The following STARD9 variants were observed in gnomAD, a reference collection of about 807,000 sequenced individuals.
STARD9 encodes the protein stAR-related lipid transfer protein 9.
Under a neutral mutation model 399.8 loss-of-function variants are expected in STARD9, and 346 were observed. That is an observed-to-expected ratio of 0.87 (90% CI 0.79 to 0.95). STARD9 has a LOEUF of 0.95. Among genes scored for constraint, STARD9 ranks in the 40% least tolerant of loss-of-function variants. The pLI is 0.00. For missense variants in STARD9, 5,832 were observed against 5,667.5 expected (o/e 1.03, Z -0.93); for synonymous variants, 2,203 against 2,143.5 (o/e 1.03, Z -0.77).
At chr15:42,580,701 A>G (rs1158228339) in intron 1 of STARD9, among the ~76,000 whole-genome samples, 2 of 152,090 alleles carry the variant, frequency 1.3e-5, no homozygotes, top group African/African-American at 2.4e-5. Context: ...AGTCCCAGCT[A>G]CTCAGGAGGC....
At chr15:42,711,181 C>T (rs902815122) in intron 26 of STARD9, among the ~76,000 whole-genome samples, 3 of 151,516 alleles carry the variant, frequency 2.0e-5, no homozygotes, top group Non-Finnish European at 4.4e-5. Context: ...GCTCTGTTAC[C>T]CAGGCTGGAG....
chr15:42,693,371 C>T lies in STARD9; in HGVS notation c.11793C>T (p.His3931=), dbSNP rs746186973. 221 of 1,537,054 alleles carry T rather than the reference C, an allele frequency of 1.4e-4. 1 individual carries two copies. The highest frequency in any genetic ancestry group is 1.7e-4 in the Middle Eastern group (1 of 6,012). Reference sequence around the variant, plus strand: ...CTTCAACTCACCCTGTTGAAGGCCACCAGAAGCTTGACTCCAGCCCAGACC... The same window carrying T: ...CTTCAACTCACCCTGTTGAAGGCCATCAGAAGCTTGACTCCAGCCCAGACC... ...SAPSTHPVEG[H]QKLDSSPDPV... The change falls in exon 23 of 33, where the codon CAC becomes CAT. Residue 3931 remains histidine (H), a synonymous_variant. Coordinates refer to ENST00000290607, the MANE Select transcript of STARD9 (RefSeq NM_020759.3).
chr15:42,675,297 T>C (rs1434804101), intron 18 of STARD9, among the ~76,000 whole-genome samples: 1 of 152,220 alleles, frequency 6.6e-6, no homozygotes, highest in Non-Finnish European at 1.5e-5. Context: ...TTCTTAACAG[T>C]GTGCTTTGCA....
chr15:42,592,606 G>A (rs931689026), intron 3 of STARD9, among the ~76,000 whole-genome samples: 4 of 151,704 alleles, frequency 2.6e-5, no homozygotes, highest in African/African-American at 2.4e-5. Flanking sequence ...CACCACACCC[G>A]GCTAATTTTT....
chr15:42,680,533 G>A (rs1322360929), intron 20 of STARD9, among the ~76,000 whole-genome samples: 3 of 152,136 alleles, frequency 2.0e-5, no homozygotes, highest in Admixed American at 1.3e-4. Flanking sequence ...CCAGGAGGTG[G>A]AGGTTGCAGT....
intron 13 of STARD9, among the ~76,000 whole-genome samples, chr15:42,664,490 A>T (rs2060050990): frequency 6.6e-6 from 1 of 152,070 alleles, no homozygotes; most frequent in African/African-American, 2.4e-5. Context: ...CAGCCTTCTG[A>T]GTAGCTGGAA....
intron 1 of STARD9, among the ~76,000 whole-genome samples, chr15:42,578,604 C>G (rs1459497411): frequency 1.3e-5 from 2 of 151,358 alleles, no homozygotes; most frequent in Non-Finnish European, 2.9e-5. Context: ...AAAACTTACT[C>G]TTTACCCACT....
At position 42,597,718 on chromosome 15, in the gene STARD9, G is replaced by A. The variant is rs992824994; in HGVS notation, c.234+12081G>A. ...GCCCAGCTAATTTTTGTATTTTTTA[G>A]TAGAGACAGAGTTTCACCATGTTGG... On this transcript the variant is annotated intron_variant, in intron 3 of 32. Transcript: ENST00000290607. Among the ~76,000 whole-genome samples the A allele has an allele frequency of 4.6e-5, 7 of 152,060 alleles. No homozygotes were observed. The South Asian group carries it at 8.3e-4, about 18-fold the overall frequency.
intron 16 of STARD9, 45 bp downstream of exon 16, chr15:42,669,382 A>G (rs1286714362): frequency 2.0e-6 from 3 of 1,465,120 alleles, no homozygotes; most frequent in Middle Eastern, 3.7e-4. Flanking sequence ...CACTGGTTCC[A>G]GAGGTCAAGG....
chr15:42,636,010 A>T lies in STARD9; in HGVS notation c.351+1038A>T, dbSNP rs623271. 2.6e-5 allele frequency among the ~76,000 whole-genome samples: 4 copies of T among 152,110 alleles called. No homozygotes were observed. The South Asian group carries it at 8.3e-4, about 32-fold the overall frequency. ...TTTTGGGTTTAGAAATATCCTGGTC[A>T]GGGTGCCAGGTGTAGTAGCTCACAC... On this transcript the variant is annotated intron_variant, in intron 4 of 32. Coordinates refer to ENST00000290607, the MANE Select transcript of STARD9 (RefSeq NM_020759.3).
intron 13 of STARD9, among the ~76,000 whole-genome samples, chr15:42,664,630 G>A (rs1456664232): frequency 1.3e-5 from 2 of 152,172 alleles, no homozygotes; most frequent in African/African-American, 4.8e-5. Flanking sequence ...GCCTCCCAAA[G>A]TGCTGGGGTT....
At chr15:42,638,838 T>C in intron 7 of STARD9, 26 bp downstream of exon 7, 1 of 1,388,038 alleles carries the variant, frequency 7.2e-7, no homozygotes, top group South Asian at 1.3e-5. Context: ...CCTGGAGATC[T>C]GAAACCAAAC....
chr15:42,597,484 C>T (rs889778576), intron 3 of STARD9, among the ~76,000 whole-genome samples: 2 of 152,140 alleles, frequency 1.3e-5, no homozygotes, highest in African/African-American at 4.8e-5. Flanking sequence ...TCTCGTGCCC[C>T]AGCCTCCCAG....
At chr15:42,713,409 G>A (rs1283688350) in intron 26 of STARD9, among the ~76,000 whole-genome samples, 2 of 152,078 alleles carry the variant, frequency 1.3e-5, no homozygotes, top group African/African-American at 4.8e-5. Context: ...CAGTTGTGCT[G>A]GCTAGAATCT....
chr15:42,643,509 A>T (rs545585433), intron 7 of STARD9, among the ~76,000 whole-genome samples: 40 of 144,190 alleles, frequency 2.8e-4, no homozygotes, highest in African/African-American at 7.3e-4. Flanking sequence ...CGTTCTTTTT[A>T]AAAAAAAACA....
intron 3 of STARD9, among the ~76,000 whole-genome samples, chr15:42,617,286 T>C (rs2058983852): frequency 6.6e-6 from 1 of 152,216 alleles, no homozygotes; most frequent in Admixed American, 6.6e-5. Flanking sequence ...CAGAAATTAA[T>C]GCCAGTCAAA....
At position 42,691,476 on chromosome 15, in the gene STARD9, C is replaced by G; in HGVS notation, c.9898C>G (p.Pro3300Ala). ...HLYTGREQPAPNHRGSLPVTT... is the reference protein window; with the variant it reads ...HLYTGREQPAANHRGSLPVTT... Reference sequence around the variant, plus strand: ...CTACACTGGCAGAGAGCAGCCAGCACCCAACCACAGGGGCTCACTTCCTGT... The same window carrying G: ...CTACACTGGCAGAGAGCAGCCAGCAGCCAACCACAGGGGCTCACTTCCTGT... The change falls in exon 23 of 33, where the codon CCC becomes GCC. Residue 3300 changes from proline to alanine, a missense_variant. By Grantham distance (27) the Pro-to-Ala change is conservative (BLOSUM62 -1). This residue lies in a region of STARD9 where 5,828 missense variants were observed against 5,651.1 expected (regional missense o/e 1.03). Coordinates refer to ENST00000290607, the MANE Select transcript of STARD9 (RefSeq NM_020759.3). 6.5e-7 allele frequency: 1 copy of G among 1,537,228 alleles called. No individual in the cohort carries two copies. The highest frequency in any genetic ancestry group is 8.7e-7 in the Non-Finnish European group (1 of 1,146,892).
intron 3 of STARD9, among the ~76,000 whole-genome samples, 193 bp downstream of exon 3, chr15:42,585,830 GA>G (rs1300075885): frequency 4.2e-4 from 64 of 152,274 alleles, no homozygotes; most frequent in Admixed American, 4.2e-3. Context: ...AATACATCAA[GA>G]AACCATTGGC....
Position 42,696,391 on chromosome 15 carries a change from A to G in STARD9, c.13284+511A>G, listed in dbSNP as rs956586892. On this transcript the variant is annotated intron_variant, in intron 26 of 32. Transcript: ENST00000290607. ...GGCCTAGCAAGTGAGGCCTTGAGGA[A>G]GAAGAGTTTGAGGAACTCAATGAAG... is the stretch of plus-strand genomic sequence containing the variant. 2.6e-5 allele frequency among the ~76,000 whole-genome samples: 4 copies of G among 152,216 alleles called. No homozygotes were observed. The East Asian group carries it at 7.7e-4, about 29-fold the overall frequency.
Sources: gnomAD v4.1 joint callset for allele counts (sites outside exome capture counted in the v4.1 genomes callset) on GRCh38, gnomAD v4.1.1 for gene constraint, gnomAD v4.1.1 regional missense constraint, MANE v1.5 for transcripts, NCBI Gene and HGNC (gene_info 2026-07-23, HGNC 2026-07-21) for gene names.